Variants in PTPRG observed in about 807,000 individuals in gnomAD.
PTPRG encodes receptor-type tyrosine-protein phosphatase gamma.
A neutral mutation model predicts 165.3 loss-of-function variants in PTPRG; 102 were observed. That is an observed-to-expected ratio of 0.62 (90% CI 0.53 to 0.73). PTPRG has a LOEUF of 0.73. Among genes scored for constraint, PTPRG ranks in the 30% least tolerant of loss-of-function variants. The pLI is 0.00. For synonymous variants in PTPRG, 675 were observed against 669.5 expected, an observed-to-expected ratio of 1.01 and a Z score of -0.13; for missense variants, 1,866 against 1,861.4, an observed-to-expected ratio of 1.00 and a Z score of -0.05.
chr3:61,763,927 T>C (rs1044371077), intron 2 of PTPRG, among the ~76,000 whole-genome samples: 1 of 152,202 alleles, frequency 6.6e-6, no homozygotes, highest in Non-Finnish European at 1.5e-5. Context: ...AGATTCAGTT[T>C]CTCAGTCACA....
At chr3:61,900,454 G>C (rs1453184061) in intron 2 of PTPRG, among the ~76,000 whole-genome samples, 1 of 152,098 alleles carries the variant, frequency 6.6e-6, no homozygotes, top group Non-Finnish European at 1.5e-5. Flanking sequence ...TCTGTAAATG[G>C]ACGCACACCT....
intron 2 of PTPRG, among the ~76,000 whole-genome samples, chr3:61,909,151 C>G (rs979379109): frequency 1.3e-5 from 2 of 152,180 alleles, no homozygotes; most frequent in Non-Finnish European, 2.9e-5. Context: ...AGCCCACGTG[C>G]TCAGTGGTGG....
Position 62,294,575 on chromosome 3 carries a change from T to G in PTPRG, c.*1268T>G, listed in dbSNP as rs1188693987. The G allele has an allele frequency of 6.6e-6, 1 of 152,070 alleles. No homozygotes were observed. Among genetic ancestry groups the G allele is most frequent in the Non-Finnish European group, 1.5e-5 (1 of 67,982 alleles). The allele number at this position is 152,070 out of a possible 1,614,324, so 9.4% of individuals were successfully genotyped here. ...ATTAGTAAAAGATACCAATAATCAT[T>G]AGAGCTCAAGGAAGTTATTAGGTGC... On this transcript the variant is annotated 3_prime_UTR_variant, in exon 30 of 30. Coordinates refer to ENST00000474889, the MANE Select transcript of PTPRG (RefSeq NM_002841.4).
intron 5 of PTPRG, among the ~76,000 whole-genome samples, chr3:62,093,054 T>C (rs934485978): frequency 6.6e-6 from 1 of 152,196 alleles, no homozygotes; most frequent in Non-Finnish European, 1.5e-5. Flanking sequence ...ATAATACCGA[T>C]GCTCAGGTTC....
chr3:62,069,531 GT>G (rs1382412110), intron 4 of PTPRG, among the ~76,000 whole-genome samples: 1 of 152,064 alleles, frequency 6.6e-6, no homozygotes, highest in African/African-American at 2.4e-5. Context: ...GTTTTATAAT[GT>G]GATACACAGA....
chr3:62,132,776 A>C, intron 6 of PTPRG, 108 bp downstream of exon 6: 1 of 1,009,484 alleles, frequency 9.9e-7, no homozygotes, highest in South Asian at 1.3e-5. Context: ...CCTATTCCTC[A>C]TCCCCTGATG....
chr3:61,574,458 C>T (rs548109651), intron 1 of PTPRG, among the ~76,000 whole-genome samples: 1 of 152,300 alleles, frequency 6.6e-6, no homozygotes, highest in African/African-American at 2.4e-5. Context: ...CTCTTCCCAC[C>T]AGTTGTTTTC....
intron 4 of PTPRG, among the ~76,000 whole-genome samples, chr3:62,049,275 A>G (rs944530424): frequency 6.6e-5 from 10 of 152,330 alleles, no homozygotes; most frequent in African/African-American, 1.9e-4. Flanking sequence ...CAGATTATGC[A>G]TGCCACTTTT....
At chr3:61,662,982 C>A (rs1003281706) in intron 1 of PTPRG, among the ~76,000 whole-genome samples, 43 of 152,196 alleles carry the variant, frequency 2.8e-4, no homozygotes, top group Admixed American at 2.2e-3. Context: ...CTTTAGTTTT[C>A]ACAACCATTG....
intron 3 of PTPRG, among the ~76,000 whole-genome samples, chr3:61,998,146 A>G (rs1471716092): frequency 6.6e-6 from 1 of 152,132 alleles, no homozygotes; most frequent in Non-Finnish European, 1.5e-5. Flanking sequence ...CAGTTGGGGG[A>G]TGTCCTGCAA....
At chr3:62,068,890 G>A (rs1475596894) in intron 4 of PTPRG, among the ~76,000 whole-genome samples, 3 of 152,184 alleles carry the variant, frequency 2.0e-5, no homozygotes, top group Admixed American at 1.3e-4. Flanking sequence ...AAGGATTAGT[G>A]TACTCTGTGA....
At chr3:62,037,487 T>G (rs1472654339) in intron 4 of PTPRG, among the ~76,000 whole-genome samples, 1 of 152,196 alleles carries the variant, frequency 6.6e-6, no homozygotes, top group Non-Finnish European at 1.5e-5. Flanking sequence ...ACAATTGGAA[T>G]ATCTGCAGGC....
chr3:62,041,740 A>G (rs1477928489), intron 4 of PTPRG, among the ~76,000 whole-genome samples: 1 of 151,914 alleles, frequency 6.6e-6, no homozygotes, highest in Non-Finnish European at 1.5e-5. Context: ...TGACGGTGGT[A>G]ATGATCATTG....
At chr3:62,221,065 G>A (rs545567224) in intron 13 of PTPRG, among the ~76,000 whole-genome samples, 1 of 152,304 alleles carries the variant, frequency 6.6e-6, no homozygotes, top group South Asian at 2.1e-4. Context: ...ATAGGGAAGG[G>A]CTGTGTCATG....
intron 2 of PTPRG, among the ~76,000 whole-genome samples, chr3:61,970,452 A>G (rs529972537): frequency 6.6e-6 from 1 of 152,346 alleles, no homozygotes; most frequent in South Asian, 2.1e-4. Flanking sequence ...TGCTAGTTGT[A>G]GAAGCTAATT....
rs754597059 is a variant in PTPRG at position 62,201,494 on chromosome 3, T to C, written c.1328-11T>C. 1.3e-6 allele frequency: 2 copies of C among 1,592,850 alleles called. No homozygotes were observed. The highest frequency in any genetic ancestry group is 2.3e-5 in the South Asian group (2 of 86,144). ...GTTATATTGCTTAAATGTAATTTCT[T>C]TGTTTCTCAGCTAATACCACTCGAA... On this transcript the variant is annotated splice_polypyrimidine_tract_variant and intron_variant, in intron 10 of 29. Coordinates refer to ENST00000474889, the MANE Select transcript of PTPRG (RefSeq NM_002841.4).
intron 2 of PTPRG, among the ~76,000 whole-genome samples, chr3:61,895,964 G>C (rs927870153): frequency 7.9e-5 from 12 of 152,146 alleles, no homozygotes; most frequent in African/African-American, 2.9e-4. Flanking sequence ...CCCAAAGGTA[G>C]CATTCTGGTA....
intron 2 of PTPRG, among the ~76,000 whole-genome samples, chr3:61,803,729 T>C (rs531448096): frequency 2.6e-5 from 4 of 152,222 alleles, no homozygotes; most frequent in Admixed American, 6.5e-5. Flanking sequence ...CACACCACCA[T>C]ATACTAGCTT....
intron 5 of PTPRG, among the ~76,000 whole-genome samples, chr3:62,112,097 C>A: frequency 6.6e-6 from 1 of 150,606 alleles, no homozygotes; most frequent in East Asian, 2.0e-4. Flanking sequence ...CTACCACTTT[C>A]TTTTTTTCTT....
Sources: gnomAD v4.1 joint callset for allele counts (sites outside exome capture counted in the v4.1 genomes callset) on GRCh38, gnomAD v4.1.1 for gene constraint, MANE v1.5 for transcripts, NCBI Gene and HGNC (gene_info 2026-07-23, HGNC 2026-07-21) for gene names.